MYH15: variants seen among roughly 807,000 people sequenced by gnomAD.
The protein encoded by MYH15 is myosin-15.
Under a neutral mutation model 240.5 loss-of-function variants are expected in MYH15, and 227 were observed. The ratio of observed to expected loss-of-function variants is 0.94; its 90% CI spans 0.85 to 1.05. MYH15 has a LOEUF of 1.05. Among genes scored for constraint, MYH15 ranks in the 50% least tolerant of loss-of-function variants. The probability of loss-of-function intolerance (pLI) is 0.00; values close to 1 mark genes in which losing one functional copy is unlikely to be tolerated. For synonymous variants in MYH15, 785 were observed against 796.7 expected (o/e 0.99, Z 0.25); for missense variants, 2,217 against 2,247.5 (o/e 0.99, Z 0.27).
intron 1 of MYH15, among the ~76,000 whole-genome samples, chr3:108,524,112 A>C (rs1446186868): frequency 6.6e-6 from 1 of 151,976 alleles, no homozygotes; most frequent in Non-Finnish European, 1.5e-5. Context: ...TTAAAATTCT[A>C]ATAGATATTG....
At chr3:108,524,565 CTTTTTA>C (rs774163835) in intron 1 of MYH15, among the ~76,000 whole-genome samples, 3 of 151,748 alleles carry the variant, frequency 2.0e-5, no homozygotes, top group Non-Finnish European at 4.4e-5. Flanking sequence ...CCTATCTTTT[CTTTTTA>C]TAACTTAACA....
At chr3:108,546,065 G>T in the MYH15 span, among the ~76,000 whole-genome samples, 1 of 151,990 alleles carries the variant, frequency 6.6e-6, no homozygotes, top group East Asian at 1.9e-4. Flanking sequence ...TTGAATCATG[G>T]GACTTCTTTT....
At chr3:108,464,939 A>T in intron 14 of MYH15, 125 bp from the exon 15 acceptor site, 2 of 781,430 alleles carry the variant, frequency 2.6e-6, no homozygotes, top group African/African-American at 1.8e-5. Flanking sequence ...CACTGCATAA[A>T]ACTAGCAATC....
chr3:108,444,490 C>T, intron 22 of MYH15, 150 bp downstream of exon 22: 1 of 916,472 alleles, frequency 1.1e-6, no homozygotes, highest in Non-Finnish European at 1.6e-6. Context: ...CAGGGTATCT[C>T]TTTGTTTTCA....
the MYH15 span, among the ~76,000 whole-genome samples, chr3:108,534,341 T>C: frequency 6.6e-6 from 1 of 152,186 alleles, no homozygotes; most frequent in Non-Finnish European, 1.5e-5. Context: ...TCTTCTAATA[T>C]TTTTATCCCT....
intron 14 of MYH15, among the ~76,000 whole-genome samples, chr3:108,466,052 G>A (rs1189527700): frequency 6.6e-6 from 1 of 152,142 alleles, no homozygotes; most frequent in African/African-American, 2.4e-5. Flanking sequence ...TTGAAACACT[G>A]AAAGCAGCAT....
chr3:108,505,786 G>C lies in MYH15; in HGVS notation c.132C>G (p.Ile44Met). 1 of 1,608,276 alleles carries C rather than the reference G, an allele frequency of 6.2e-7. No homozygotes were observed. Among genetic ancestry groups the C allele is most frequent in the Non-Finnish European group, 8.5e-7 (1 of 1,178,600 alleles). The stretch of plus-strand genomic sequence containing the variant: ...CTTCACTCCCTTTTACCTCAGCCTC[G>C]ATATAAGCATTCTCACCATCAGGAA... ...CWIPDGENAYIEAEVKGSEDD... is the reference protein window; with the variant it reads ...CWIPDGENAYMEAEVKGSEDD... The change falls in exon 2 of 41, where the codon ATC (isoleucine) becomes ATG (methionine). Residue 44 changes from isoleucine to methionine, a missense_variant. Coordinates refer to ENST00000693548, the MANE Select transcript of MYH15 (RefSeq NM_014981.3).
intron 20 of MYH15, 44 bp from the exon 21 acceptor site, chr3:108,454,186 C>A: frequency 6.5e-7 from 1 of 1,545,310 alleles, no homozygotes; most frequent in South Asian, 1.2e-5. Context: ...AATGGGTATT[C>A]AGCAAATGTT....
intron 18 of MYH15, 62 bp from the exon 19 acceptor site, chr3:108,456,945 T>C: frequency 1.7e-6 from 2 of 1,192,706 alleles, no homozygotes; most frequent in Non-Finnish European, 2.5e-6. Flanking sequence ...GGACAGATTT[T>C]GAACCAATTG....
At chr3:108,436,570 C>T (rs551704555) in intron 25 of MYH15, among the ~76,000 whole-genome samples, 1 of 152,260 alleles carries the variant, frequency 6.6e-6, no homozygotes, top group East Asian at 1.9e-4. Flanking sequence ...GACAGAGTCT[C>T]GCTCTGTCGC....
At chr3:108,549,992 T>G in the MYH15 span, 1 of 152,006 alleles carries the variant, frequency 6.6e-6, no homozygotes, top group Non-Finnish European at 1.5e-5. Flanking sequence ...AAATAGTAAT[T>G]TAAAATGTTT....
intron 38 of MYH15, among the ~76,000 whole-genome samples, chr3:108,388,492 A>C (rs1231957567): frequency 6.6e-6 from 1 of 152,172 alleles, no homozygotes; most frequent in Admixed American, 6.5e-5. Context: ...TCCACCTGGC[A>C]CCAGCAACAG....
intron 21 of MYH15, among the ~76,000 whole-genome samples, chr3:108,447,652 A>G (rs554649281): frequency 6.6e-6 from 1 of 152,222 alleles, no homozygotes; most frequent in South Asian, 2.1e-4. Context: ...AAATGGAGAG[A>G]TAACAGACTG....
At chr3:108,548,175 T>C in the MYH15 span, among the ~76,000 whole-genome samples, 36 of 152,264 alleles carry the variant, frequency 2.4e-4, 1 homozygote, top group East Asian at 3.5e-3. Context: ...TCTAAGTGGA[T>C]TGTTAAAGGA....
At chr3:108,412,509 C>T (rs1180913450) in intron 30 of MYH15, among the ~76,000 whole-genome samples, 1 of 152,194 alleles carries the variant, frequency 6.6e-6, no homozygotes, top group Non-Finnish European at 1.5e-5. Context: ...CAGACTAATA[C>T]ACCAGGACAT....
At chr3:108,549,552 G>C in the MYH15 span, among the ~76,000 whole-genome samples, 1 of 151,998 alleles carries the variant, frequency 6.6e-6, no homozygotes, top group Non-Finnish European at 1.5e-5. Context: ...AAGGCAAATT[G>C]AGTTCTTTAA....
At chr3:108,439,690 T>C (rs1348915102) in intron 24 of MYH15, 47 bp downstream of exon 24, 2 of 1,388,834 alleles carry the variant, frequency 1.4e-6, no homozygotes, top group Non-Finnish European at 9.5e-7. Context: ...TGGAGTTATG[T>C]GTATATGTAG....
chr3:108,545,363 G>C, the MYH15 span, among the ~76,000 whole-genome samples: 2 of 152,068 alleles, frequency 1.3e-5, no homozygotes, highest in African/African-American at 4.8e-5. Flanking sequence ...AGAGAAAGAG[G>C]AAACCAAGGA....
At chr3:108,529,368 C>A, upstream of MYH15, 1 of 938,550 alleles carries the variant, frequency 1.1e-6, no homozygotes, top group South Asian at 1.5e-5. Flanking sequence ...AGGAAGGCAA[C>A]ATTATGTTGA....
Sources: allele counts gnomAD v4.1 joint callset (sites outside exome capture counted in the v4.1 genomes callset), GRCh38; gene constraint gnomAD v4.1.1; transcripts MANE v1.5; gene names NCBI Gene and HGNC (gene_info 2026-07-23, HGNC 2026-07-21).